PCSK5: variants seen among roughly 807,000 people sequenced by gnomAD.
The protein encoded by PCSK5 is prohormone convertase 5.
A neutral mutation model predicts 233.2 loss-of-function variants in PCSK5; 129 were observed. That is an observed-to-expected ratio of 0.55 (90% CI 0.48 to 0.64). PCSK5 has a LOEUF of 0.64. Among genes scored for constraint, PCSK5 ranks in the 30% least tolerant of loss-of-function variants. The probability of loss-of-function intolerance (pLI) is 0.00; values close to 1 mark genes in which losing one functional copy is unlikely to be tolerated. For synonymous variants in PCSK5, 825 were observed against 879.2 expected, an observed-to-expected ratio of 0.94 and a Z score of 1.09; for missense variants, 2,076 against 2,430.1, an observed-to-expected ratio of 0.85 and a Z score of 3.06.
At chr9:75,946,835 A>C (rs1341558860) in intron 2 of PCSK5, among the ~76,000 whole-genome samples, 1 of 151,920 alleles carries the variant, frequency 6.6e-6, no homozygotes, top group Non-Finnish European at 1.5e-5. Flanking sequence ...TGATCCACCC[A>C]CCTCGGCCTC....
rs149931406 is a variant in PCSK5 at position 76,157,177 on chromosome 9, C to A, written c.1430+15C>A. The A allele has an allele frequency of 3.3e-4, 507 of 1,551,534 alleles. 1 individual carries two copies. The African/African-American group carries it at 5.1e-3, about 16-fold the overall frequency. ...CGACAAATCAAGTAATGCTTGCTGC[C>A]GGCAAACAGCATGACAATGCCCCAA... On this transcript the variant is annotated intron_variant, in intron 11 of 37. Transcript: ENST00000674117.
intron 6 of PCSK5, among the ~76,000 whole-genome samples, chr9:76,070,607 C>T (rs1420134883): frequency 6.6e-6 from 1 of 152,122 alleles, no homozygotes; most frequent in Non-Finnish European, 1.5e-5. Flanking sequence ...AAAATGTTAA[C>T]AGTTATTGAG....
chr9:76,017,874 A>G (rs1446531441), intron 3 of PCSK5, among the ~76,000 whole-genome samples: 1 of 152,184 alleles, frequency 6.6e-6, no homozygotes, highest in East Asian at 1.9e-4. Flanking sequence ...AGGCACCTGC[A>G]GTTTTAGAGG....
intron 5 of PCSK5, among the ~76,000 whole-genome samples, chr9:76,050,197 T>A (rs1453301660): frequency 6.6e-6 from 1 of 152,180 alleles, no homozygotes; most frequent in African/African-American, 2.4e-5. Context: ...TAAGAAGGTC[T>A]TTATAATAAT....
intron 5 of PCSK5, among the ~76,000 whole-genome samples, chr9:76,058,654 G>T (rs369768568): frequency 7.2e-5 from 11 of 152,166 alleles, no homozygotes; most frequent in African/African-American, 2.4e-4. Context: ...CCTCTAAATG[G>T]AAAATTCATC....
chr9:76,353,123 G>A (rs1203283983), intron 36 of PCSK5, among the ~76,000 whole-genome samples: 1 of 152,202 alleles, frequency 6.6e-6, no homozygotes, highest in Non-Finnish European at 1.5e-5. Flanking sequence ...TAACAGCTGA[G>A]AAAGCACCTT....
rs71372045 is a variant in PCSK5, at chr9:76,093,080, C to CTTT, written c.895-2787_895-2785dup. Among the ~76,000 whole-genome samples, 138 of 85,688 alleles carry CTTT rather than the reference C, an allele frequency of 1.6e-3. 1 individual carries two copies. The highest frequency in any genetic ancestry group is 5.2e-3 in the African/African-American group (123 of 23,780). 56.2% of individuals were successfully genotyped at this position (85,688 alleles called of 152,430 possible). ...TACACACGCCCTTTTTTGTCTTTCC[C>CTTT]TTTTTTTTTTTTTTTTTTTTTTTTT... On this transcript the variant is annotated intron_variant, in intron 7 of 37. Transcript: ENST00000674117.
chr9:76,003,309 G>A (rs1452687261), intron 3 of PCSK5, among the ~76,000 whole-genome samples: 4 of 152,188 alleles, frequency 2.6e-5, no homozygotes, highest in African/African-American at 7.2e-5. Flanking sequence ...GGAAGTCGAG[G>A]TTTCAGTGAG....
chr9:76,040,274 C>T (rs566434040), intron 5 of PCSK5, among the ~76,000 whole-genome samples: 8 of 150,160 alleles, frequency 5.3e-5, no homozygotes, highest in East Asian at 2.0e-4. Flanking sequence ...ATTGCACCTG[C>T]TATTAAGAGC....
intron 8 of PCSK5, among the ~76,000 whole-genome samples, chr9:76,098,760 G>T (rs1831638485): frequency 1.3e-5 from 2 of 152,306 alleles, no homozygotes; most frequent in South Asian, 4.1e-4. Flanking sequence ...AGAAGGAAAG[G>T]TGGTCTCGTC....
chr9:76,043,206 G>A (rs549952775), intron 5 of PCSK5, among the ~76,000 whole-genome samples: 78 of 151,996 alleles, frequency 5.1e-4, no homozygotes, highest in African/African-American at 1.7e-3. Context: ...ATTACCGGGC[G>A]TGGTGGCGGG....
At chr9:76,250,910 T>C (rs183698241) in intron 24 of PCSK5, among the ~76,000 whole-genome samples, 1 of 152,338 alleles carries the variant, frequency 6.6e-6, no homozygotes, top group Non-Finnish European at 1.5e-5. Flanking sequence ...TGCCAAAATT[T>C]ATAGAACTGT....
chr9:76,083,805 A>T (rs1326517668), intron 7 of PCSK5, among the ~76,000 whole-genome samples: 2 of 152,236 alleles, frequency 1.3e-5, no homozygotes, highest in Non-Finnish European at 2.9e-5. Flanking sequence ...ACATACATTC[A>T]CCACGAGGGG....
At chr9:76,167,246 AAG>A (rs1384579218) in intron 12 of PCSK5, among the ~76,000 whole-genome samples, 2 of 152,214 alleles carry the variant, frequency 1.3e-5, no homozygotes, top group East Asian at 1.9e-4. Context: ...ATGTTCTAAA[AAG>A]AGAGAGAGAA....
chr9:76,187,346 A>G (rs1400841761), intron 17 of PCSK5, among the ~76,000 whole-genome samples: 3 of 152,080 alleles, frequency 2.0e-5, no homozygotes, highest in Non-Finnish European at 4.4e-5. Context: ...TATTCAGTGA[A>G]TAATATTTTT....
intron 7 of PCSK5, among the ~76,000 whole-genome samples, chr9:76,074,174 A>G (rs1830567346): frequency 6.6e-6 from 1 of 152,238 alleles, no homozygotes. Flanking sequence ...ATTAACATGC[A>G]AACAGAGATT....
At chr9:76,162,257 C>A (rs909835405) in intron 12 of PCSK5, among the ~76,000 whole-genome samples, 1 of 152,150 alleles carries the variant, frequency 6.6e-6, no homozygotes, top group East Asian at 1.9e-4. Context: ...TCCCTCCTAC[C>A]GAGGCAGCTA....
At chr9:76,323,360 T>C in intron 32 of PCSK5, 72 bp downstream of exon 32, 1 of 849,108 alleles carries the variant, frequency 1.2e-6, no homozygotes, top group East Asian at 2.5e-5. Context: ...GCGCCAGAGC[T>C]GTCATCTCAA....
chr9:76,131,779 C>T (rs1822768561), intron 9 of PCSK5, among the ~76,000 whole-genome samples: 1 of 152,022 alleles, frequency 6.6e-6, no homozygotes, highest in Non-Finnish European at 1.5e-5. Context: ...GAAATCTTGC[C>T]CTGGTGACAG....
Sources: allele counts gnomAD v4.1 joint callset (sites outside exome capture counted in the v4.1 genomes callset), GRCh38; gene constraint gnomAD v4.1.1; transcripts MANE v1.5; gene names NCBI Gene and HGNC (gene_info 2026-07-23, HGNC 2026-07-21).